The following CRYGN variants were observed in gnomAD, a reference collection of about 807,000 sequenced individuals.
CRYGN encodes crystallin gamma N, also known as gamma-crystallin N.
Under a neutral mutation model 19.2 loss-of-function variants are expected in CRYGN, and 17 were observed. That is an observed-to-expected ratio of 0.89 (90% CI 0.61 to 1.33). The LOEUF (loss-of-function observed/expected upper bound fraction) is 1.33, where lower values mean the gene tolerates loss of function less well. Among genes scored for constraint, CRYGN ranks in the 40% most tolerant of loss-of-function variants. The pLI is 0.00. For synonymous variants in CRYGN, 84 were observed against 85.8 expected (o/e 0.98, Z 0.12); for missense variants, 239 against 239.6 (o/e 1.00, Z 0.02).
At position 151,429,693 on chromosome 7, in the gene CRYGN, T is replaced by C; in HGVS notation, c.*355A>G. 3.1e-6 allele frequency: 1 copy of C among 325,240 alleles called. No homozygotes were observed. The highest frequency in any genetic ancestry group is 3.2e-5 in the South Asian group (1 of 31,722). 20.1% of individuals were successfully genotyped at this position (325,240 alleles called of 1,614,324 possible). On this transcript the variant is annotated 3_prime_UTR_variant, in exon 4 of 4. Transcript: ENST00000337323. Reference sequence around the variant, plus strand: ...GCATTATTGTATATGATAAGTAAAATTACACAGATTCCAGCTACTACAGAG... The same window carrying C: ...GCATTATTGTATATGATAAGTAAAACTACACAGATTCCAGCTACTACAGAG...
At position 151,433,625 on chromosome 7, in the gene CRYGN, A is replaced by G. The variant is rs888973750; in HGVS notation, c.416+2555T>C. On this transcript the variant is annotated intron_variant, in intron 3 of 3. Coordinates refer to ENST00000337323, the MANE Select transcript of CRYGN (RefSeq NM_144727.3). This position sits in a 1 kb window ranked among gnomAD's most constrained non-coding sequence, Gnocchi z 5.1. ...CCCGTATCCATGCCCCTCCACACCT[A>G]CAGCTTTCCAACCCCACACCTGTGC... The G allele has an allele frequency of 6.5e-6, 1 of 154,934 alleles. No individual in the cohort carries two copies. Among genetic ancestry groups the G allele is most frequent in the Admixed American group, 6.5e-5 (1 of 15,294 alleles). The allele number at this position is 154,934 out of a possible 1,614,324, so 9.6% of individuals were successfully genotyped here.
chr7:151,438,190 C>T lies in CRYGN; in HGVS notation c.76G>A (p.Asp26Asn), dbSNP rs1289604066. 2 of 1,614,078 alleles carry T rather than the reference C, an allele frequency of 1.2e-6. No homozygotes were observed. The highest frequency in any genetic ancestry group is 1.1e-5 in the South Asian group (1 of 91,080). Residue 26 changes from aspartate to asparagine, a missense_variant, in exon 2 of 4, where the codon GAC becomes AAC. Coordinates refer to ENST00000337323, the MANE Select transcript of CRYGN (RefSeq NM_144727.3). ...FTGQKLEVFG[D>N]CDNFQDRGFM... Reference sequence around the variant, plus strand: ...CCCCGGTCCTGGAAGTTGTCACAGTCCCCGAAGACCTCCAGCTTCTGCCCT... The same window carrying T: ...CCCCGGTCCTGGAAGTTGTCACAGTTCCCGAAGACCTCCAGCTTCTGCCCT...
At chr7:151,438,345 C>T in intron 1 of CRYGN, 101 bp from the exon 2 acceptor site, 1 of 1,267,046 alleles carries the variant, frequency 7.9e-7, no homozygotes, top group Non-Finnish European at 1.1e-6. Context: ...ACCCCTACTC[C>T]CAGGCCCCCA....
intron 3 of CRYGN, among the ~76,000 whole-genome samples, chr7:151,434,792 A>G (rs1801559287): frequency 6.6e-6 from 1 of 152,220 alleles, no homozygotes. Context: ...CATCAATTTT[A>G]TAATGAATCC....
Position 151,435,956 on chromosome 7 carries a change from C to A in CRYGN, c.416+224G>T, listed in dbSNP as rs1333275024. 6.6e-6 allele frequency among the ~76,000 whole-genome samples: 1 copy of A among 152,170 alleles called. No homozygotes were observed. The highest frequency in any genetic ancestry group is 2.4e-5 in the African/African-American group (1 of 41,442). On this transcript the variant is annotated intron_variant, in intron 3 of 3. Coordinates refer to ENST00000337323, the MANE Select transcript of CRYGN (RefSeq NM_144727.3). The surrounding 1 kb of genome is among the most constrained non-coding windows in gnomAD (Gnocchi z 4.2). ...GGTGCCTCTGGGGCCCAGAGTCCCTCTCTGAGGCCCTTCTGGGCCACAGGG... is the reference window on the plus strand; with the variant it reads ...GGTGCCTCTGGGGCCCAGAGTCCCTATCTGAGGCCCTTCTGGGCCACAGGG...
Position 151,430,238 on chromosome 7 carries a change from T to C in CRYGN, c.417-58A>G. The stretch of plus-strand genomic sequence containing the variant: ...GGGCATTAGGGGTACAGAGCAGGCC[T>C]TTTGGGGACCCATCTACCACATGGC... On this transcript the variant is annotated intron_variant, in intron 3 of 3. Transcript: ENST00000337323. The surrounding 1 kb of genome is among the most constrained non-coding windows in gnomAD (Gnocchi z 5.2). 9 of 1,565,160 alleles carry C rather than the reference T, an allele frequency of 5.8e-6. No homozygotes were observed. Among genetic ancestry groups the C allele is most frequent in the South Asian group, 1.1e-5 (1 of 88,492 alleles).
chr7:151,431,759 A>T lies in CRYGN; in HGVS notation c.417-1579T>A, dbSNP rs1801470138. The T allele has an allele frequency of 6.3e-6, 1 of 159,452 alleles. No homozygotes were observed. Among genetic ancestry groups the T allele is most frequent in the Non-Finnish European group, 1.4e-5 (1 of 73,050 alleles). The allele number at this position is 159,452 out of a possible 1,614,324, so 9.9% of individuals were successfully genotyped here. A position where few individuals can be genotyped will look rare whatever the true frequency, so the allele number is the denominator to read the frequency against. On this transcript the variant is annotated intron_variant, in intron 3 of 3. Coordinates refer to ENST00000337323, the MANE Select transcript of CRYGN (RefSeq NM_144727.3). This position sits in a 1 kb window ranked among gnomAD's most constrained non-coding sequence, Gnocchi z 4.8. ...AAGATTAGCCATGAGGATAAAACCC[A>T]GAGATCAGACACAGAGACCCTGGGT...
chr7:151,434,322 G>A (rs1419716322), intron 3 of CRYGN, among the ~76,000 whole-genome samples: 1 of 152,140 alleles, frequency 6.6e-6, no homozygotes, highest in East Asian at 1.9e-4. Flanking sequence ...GGTGGGCCGG[G>A]GGGATTGTGT....
intron 1 of CRYGN, among the ~76,000 whole-genome samples, chr7:151,439,411 A>T (rs913081682): frequency 6.6e-6 from 1 of 152,170 alleles, no homozygotes; most frequent in Non-Finnish European, 1.5e-5. Flanking sequence ...TGCACCAGGC[A>T]CGGCTGGTAG....
rs750557944 is a variant in CRYGN at position 151,435,438 on chromosome 7, A to C, written c.416+742T>G. Among the ~76,000 whole-genome samples, 8 of 152,214 alleles carry C rather than the reference A, an allele frequency of 5.3e-5. No individual in the cohort carries two copies. Among genetic ancestry groups the C allele is most frequent in the Non-Finnish European group, 8.8e-5 (6 of 68,040 alleles). On this transcript the variant is annotated intron_variant, in intron 3 of 3. Transcript: ENST00000337323. The surrounding 1 kb of genome is among the most constrained non-coding windows in gnomAD (Gnocchi z 4.2). Reference sequence around the variant, plus strand: ...CTGACCTAGAGGTGTGGGCTGGACAATGAAAATACATGGCCAACTTGAAGG... The same window carrying C: ...CTGACCTAGAGGTGTGGGCTGGACACTGAAAATACATGGCCAACTTGAAGG...
At chr7:151,439,671 G>A (rs1584830679) in intron 1 of CRYGN, among the ~76,000 whole-genome samples, 1 of 152,164 alleles carries the variant, frequency 6.6e-6, no homozygotes, top group South Asian at 2.1e-4. Context: ...ACTGCAGGGC[G>A]AGGGGTTGGA....
chr7:151,437,070 T>C (rs1801630344), intron 2 of CRYGN, among the ~76,000 whole-genome samples: 1 of 152,120 alleles, frequency 6.6e-6, no homozygotes, highest in Non-Finnish European at 1.5e-5. Context: ...GGGCCAACCA[T>C]TTAAATTTCT....
intron 1 of CRYGN, chr7:151,438,982 AT>A (rs1801692742): frequency 6.6e-6 from 1 of 152,188 alleles, no homozygotes; most frequent in Non-Finnish European, 1.5e-5. Flanking sequence ...CGCCAGACTC[AT>A]TTCCTGCTGT....
At chr7:151,432,006 A>G (rs1468906243) in intron 3 of CRYGN, 1 of 398,618 alleles carries the variant, frequency 2.5e-6, no homozygotes, top group African/African-American at 2.1e-5. Flanking sequence ...CAGGGCTGGG[A>G]TGCCCACTGC....
rs1025518980 is a variant in CRYGN, at chr7:151,435,897, C to A, written c.416+283G>T. ...CTTTCAAGGTACTCTCCTACCTCTG[C>A]TCCTGGACTGAGGCCCTAGAGGGAA... On this transcript the variant is annotated intron_variant, in intron 3 of 3. Coordinates refer to ENST00000337323, the MANE Select transcript of CRYGN (RefSeq NM_144727.3). The surrounding 1 kb of genome is among the most constrained non-coding windows in gnomAD (Gnocchi z 4.2). Among the ~76,000 whole-genome samples, 1 of 152,168 alleles carries A rather than the reference C, an allele frequency of 6.6e-6. No homozygotes were observed. The highest frequency in any genetic ancestry group is 3.2e-3 in the Middle Eastern group (1 of 316).
Position 151,433,373 on chromosome 7 carries a change from G to C in CRYGN, c.416+2807C>G, listed in dbSNP as rs1287941781. On this transcript the variant is annotated intron_variant, in intron 3 of 3. Coordinates refer to ENST00000337323, the MANE Select transcript of CRYGN (RefSeq NM_144727.3). This position sits in a 1 kb window ranked among gnomAD's most constrained non-coding sequence, Gnocchi z 5.1. ...CCTGGAAAGGGGCATGTGGTCCAAG[G>C]AAGACACCTCAGGACAGCTCGGAGC... The C allele has an allele frequency of 6.5e-6, 1 of 153,256 alleles. No individual in the cohort carries two copies. The highest frequency in any genetic ancestry group is 2.4e-5 in the African/African-American group (1 of 41,476). 9.5% of individuals were successfully genotyped at this position (153,256 alleles called of 1,614,324 possible).
At chr7:151,432,860 G>A (rs1801504558) in intron 3 of CRYGN, among the ~76,000 whole-genome samples, 1 of 152,228 alleles carries the variant, frequency 6.6e-6, no homozygotes, top group Non-Finnish European at 1.5e-5. Context: ...TGCACAGACA[G>A]TACCCCCAGC....
intron 1 of CRYGN, 31 bp downstream of exon 1, chr7:151,439,866 C>G: frequency 1.9e-6 from 3 of 1,550,762 alleles, no homozygotes; most frequent in Non-Finnish European, 2.6e-6. Flanking sequence ...GAGCCCCACT[C>G]GGTTTCCTTG....
At chr7:151,440,429 C>T (rs896707229), upstream of CRYGN, 16 of 156,964 alleles carry the variant, frequency 1.0e-4, no homozygotes, top group Non-Finnish European at 1.1e-4. Flanking sequence ...GACAGACAGC[C>T]CTTGACCGCC....
Sources: allele counts gnomAD v4.1 joint callset (sites outside exome capture counted in the v4.1 genomes callset), GRCh38; gene constraint gnomAD v4.1.1; non-coding constraint Gnocchi (gnomAD v3.1); transcripts MANE v1.5; gene names NCBI Gene and HGNC (gene_info 2026-07-23, HGNC 2026-07-21).